OSBPL11: variants seen among roughly 807,000 people sequenced by gnomAD.
OSBPL11 encodes oxysterol binding protein like 11.
Under a neutral mutation model 84.4 loss-of-function variants are expected in OSBPL11, and 33 were observed. That is an observed-to-expected ratio of 0.39 (90% CI 0.30 to 0.52). The LOEUF is 0.52. Among genes scored for constraint, OSBPL11 ranks in the 20% least tolerant of loss-of-function variants. OSBPL11 has a pLI of 0.72. For synonymous variants in OSBPL11, 276 were observed against 310.2 expected (o/e 0.89, Z 1.16); for missense variants, 736 against 901.1 (o/e 0.82, Z 2.35).
Position 125,538,576 on chromosome 3 carries a change from C to T in OSBPL11, c.1899G>A (p.Gly633=), listed in dbSNP as rs1023998965. The change falls in exon 11 of 13, where the codon GGG becomes GGA. Residue 633 remains glycine, a synonymous_variant. Coordinates refer to ENST00000296220, the MANE Select transcript of OSBPL11 (RefSeq NM_022776.5). ...TGAACTCAAGAACACTATTCCATTC[C>T]CCTTGCACTCTGCATACCACAGTGT... ...ITNTVVCRVQ[G]EWNSVLEFTY... 2.0e-5 allele frequency: 32 copies of T among 1,613,914 alleles called. No homozygotes were observed. Among genetic ancestry groups the T allele is most frequent in the Non-Finnish European group, 2.5e-5 (30 of 1,179,978 alleles).
chr3:125,557,008 A>G (rs2107597721), intron 8 of OSBPL11, among the ~76,000 whole-genome samples: 1 of 152,356 alleles, frequency 6.6e-6, no homozygotes, highest in African/African-American at 2.4e-5. Flanking sequence ...TTTCATACAC[A>G]CAAAAATTAA....
chr3:125,593,122 G>T (rs1936624548), intron 1 of OSBPL11, among the ~76,000 whole-genome samples: 1 of 152,136 alleles, frequency 6.6e-6, no homozygotes, highest in Non-Finnish European at 1.5e-5. Flanking sequence ...GCTCTCTCCA[G>T]ACCCAAATGT....
At chr3:125,589,060 T>C (rs563677482) in intron 1 of OSBPL11, among the ~76,000 whole-genome samples, 1 of 152,236 alleles carries the variant, frequency 6.6e-6, no homozygotes, top group East Asian at 1.9e-4. Context: ...ATTAGAAATG[T>C]AGACAAAGCC....
intron 5 of OSBPL11, among the ~76,000 whole-genome samples, chr3:125,574,280 A>G (rs1459446793): frequency 1.3e-5 from 2 of 152,138 alleles, no homozygotes; most frequent in Non-Finnish European, 2.9e-5. Context: ...GAAAAAAAAA[A>G]AAAAGCCAAT....
At chr3:125,584,460 A>C (rs573157260) in intron 1 of OSBPL11, among the ~76,000 whole-genome samples, 1 of 152,336 alleles carries the variant, frequency 6.6e-6, no homozygotes, top group South Asian at 2.1e-4. Context: ...ATTCTGCATC[A>C]ATCCATAAGA....
In OSBPL11 at chr3:125,595,272, C is replaced by T. The variant is rs564118977; in HGVS notation, c.-472G>A. Among the ~76,000 whole-genome samples the T allele has an allele frequency of 2.6e-5, 4 of 152,294 alleles. No homozygotes were observed. In the South Asian group the frequency reaches 8.3e-4, roughly 32 times the overall value. ...GTCCAGTCAAGCCCGCTCGGCAGTT[C>T]CCGCCGCAGCCCCCGAGATACAGCC... On this transcript the variant is annotated 5_prime_UTR_variant, in exon 1 of 13. Transcript: ENST00000296220.
At chr3:125,577,956 G>A (rs1433130213) in intron 4 of OSBPL11, among the ~76,000 whole-genome samples, 2 of 152,110 alleles carry the variant, frequency 1.3e-5, no homozygotes, top group Non-Finnish European at 2.9e-5. Context: ...GAACTATCAC[G>A]TGATCCAGCA....
intron 10 of OSBPL11, among the ~76,000 whole-genome samples, chr3:125,543,124 A>ATTTTTTTTTTTTTTTTTTTTTTTTT (rs60571172): frequency 1.0e-5 from 1 of 99,288 alleles, no homozygotes; most frequent in Non-Finnish European, 1.9e-5. Flanking sequence ...GGCTAGTAAG[A>ATTTTTTTTTTTTTTTTTTTTTTTTT]TTTTTTTTTT....
At position 125,576,321 on chromosome 3, in the gene OSBPL11, A is replaced by G; in HGVS notation, c.534T>C (p.Ser178=). 1 of 1,605,272 alleles carries G rather than the reference A, an allele frequency of 6.2e-7. No individual in the cohort carries two copies. ...LKSRSFSLAS[S]SNSPISQRRP... ...TCCTCTGCGATATAGGAGAATTACT[A>G]CTAGATGCAAGTGAGAAGCTCCGTG... Residue 178 remains serine, a synonymous_variant, in exon 5 of 13, where the codon AGT becomes AGC. Coordinates refer to ENST00000296220, the MANE Select transcript of OSBPL11 (RefSeq NM_022776.5).
chr3:125,540,594 T>A (rs1389230503), intron 10 of OSBPL11, among the ~76,000 whole-genome samples: 2 of 152,180 alleles, frequency 1.3e-5, no homozygotes, highest in African/African-American at 4.8e-5. Context: ...AAACAGGATA[T>A]GAGGAAGTGA....
chr3:125,532,487 A>AAATG (rs1430621500), intron 11 of OSBPL11, among the ~76,000 whole-genome samples: 3 of 152,022 alleles, frequency 2.0e-5, no homozygotes, highest in Non-Finnish European at 2.9e-5. Context: ...GAAAGGAAAC[A>AAATG]AATGAGGGGA....
intron 11 of OSBPL11, among the ~76,000 whole-genome samples, chr3:125,535,277 G>T (rs1038693324): frequency 2.0e-5 from 3 of 151,922 alleles, no homozygotes; most frequent in Non-Finnish European, 2.9e-5. Context: ...AACTACCAAA[G>T]CTCACTGAAG....
At chr3:125,582,440 T>C (rs1002205866) in intron 2 of OSBPL11, among the ~76,000 whole-genome samples, 8 of 152,238 alleles carry the variant, frequency 5.3e-5, no homozygotes, top group African/African-American at 1.9e-4. Context: ...TTAATATGCC[T>C]GCCCCACAAC....
intron 5 of OSBPL11, among the ~76,000 whole-genome samples, chr3:125,573,183 T>C (rs1053915106): frequency 1.3e-5 from 2 of 152,078 alleles, no homozygotes; most frequent in Non-Finnish European, 1.5e-5. Flanking sequence ...TGATGGTTCC[T>C]TGATACTATA....
At chr3:125,551,692 C>T (rs113129664) in intron 9 of OSBPL11, among the ~76,000 whole-genome samples, 4 of 151,908 alleles carry the variant, frequency 2.6e-5, no homozygotes, top group Non-Finnish European at 5.9e-5. Context: ...GCAGGAGAAT[C>T]GCTTGAACCT....
intron 1 of OSBPL11, among the ~76,000 whole-genome samples, chr3:125,593,299 C>A (rs969557061): frequency 1.3e-5 from 2 of 152,144 alleles, no homozygotes; most frequent in Admixed American, 1.3e-4. Context: ...AATATATCTT[C>A]TTATCCTACA....
In OSBPL11 at chr3:125,594,745, A is replaced by G. The variant is rs1456502068; in HGVS notation, c.56T>C (p.Leu19Pro). 3 of 1,614,182 alleles carry G rather than the reference A, an allele frequency of 1.9e-6. No individual in the cohort carries two copies. The highest frequency in any genetic ancestry group is 1.7e-5 in the Admixed American group (1 of 60,018). Reference sequence around the variant, plus strand: ...GGTCACCGCTGTGGCCTGGCCCTCCAGCTTTCCTTCGCTCTCCGAGACTTT... The same window carrying G: ...GGTCACCGCTGTGGCCTGGCCCTCCGGCTTTCCTTCGCTCTCCGAGACTTT... ...TMKVSESEGK[L>P]EGQATAVTPN... Residue 19 changes from leucine to proline, a missense_variant, in exon 1 of 13, where the codon CTG becomes CCG. Leu to Pro is a moderately conservative substitution (Grantham distance 98). Around this residue, in one of 3 missense-constraint regions of OSBPL11, gnomAD observed 114 missense variants for 104.9 expected, o/e 1.09. Transcript: ENST00000296220.
chr3:125,576,363 A>G lies in OSBPL11; in HGVS notation c.492T>C (p.Asn164=), dbSNP rs985933401. ...AGCTCCGTGACTTCAGAGGAGGATTATTCTGTTAGACAAAGAAAATCATTC... is the reference window on the plus strand; with the variant it reads ...AGCTCCGTGACTTCAGAGGAGGATTGTTCTGTTAGACAAAGAAAATCATTC... The part of the protein sequence containing the change: ...TQHHTEAIGK[N]NPPLKSRSFS... The change falls in exon 5 of 13, where the codon AAT becomes AAC. Residue 164 remains asparagine, a splice_region_variant and synonymous_variant. Transcript: ENST00000296220. 12 of 1,562,238 alleles carry G rather than the reference A, an allele frequency of 7.7e-6. No individual in the cohort carries two copies. The highest frequency in any genetic ancestry group is 4.5e-5 in the Admixed American group (2 of 44,652).
intron 9 of OSBPL11, 104 bp from the exon 10 acceptor site, chr3:125,547,696 T>C (rs949676626): frequency 4.9e-5 from 42 of 850,006 alleles, no homozygotes; most frequent in Middle Eastern, 2.4e-4. Context: ...CATCATTATT[T>C]TTCCTAACCT....
Sources: gnomAD v4.1 joint callset for allele counts (sites outside exome capture counted in the v4.1 genomes callset) on GRCh38, gnomAD v4.1.1 for gene constraint, gnomAD v4.1.1 regional missense constraint, MANE v1.5 for transcripts, NCBI Gene and HGNC (gene_info 2026-07-23, HGNC 2026-07-21) for gene names.